The following WDTC1 variants were observed in gnomAD, a reference collection of about 807,000 sequenced individuals.
WDTC1 encodes WD and tetratricopeptide repeats 1.
A neutral mutation model predicts 76.0 loss-of-function variants in WDTC1; 12 were observed. The ratio of observed to expected loss-of-function variants is 0.16; its 90% CI spans 0.10 to 0.26. The LOEUF (loss-of-function observed/expected upper bound fraction) is 0.26. Ranked by LOEUF, WDTC1 falls within the 10% of genes least tolerant of loss-of-function variation. The probability of loss-of-function intolerance (pLI) is 1.00; values close to 1 mark genes in which losing one functional copy is unlikely to be tolerated. For synonymous variants in WDTC1, 326 were observed against 350.8 expected, an observed-to-expected ratio of 0.93 and a Z score of 0.79; for missense variants, 511 against 908.8, an observed-to-expected ratio of 0.56 and a Z score of 5.63.
intron 4 of WDTC1, 120 bp from the exon 5 acceptor site, chr1:27,283,218 C>A: frequency 1.3e-6 from 1 of 785,726 alleles, no homozygotes; most frequent in East Asian, 2.6e-5. Flanking sequence ...ACCTTAAATT[C>A]TGTGACATTT....
chr1:27,265,081 G>A (rs1375249087), intron 3 of WDTC1, among the ~76,000 whole-genome samples: 1 of 152,132 alleles, frequency 6.6e-6, no homozygotes, highest in Non-Finnish European at 1.5e-5. Flanking sequence ...TTGGATTACA[G>A]GTGTGAGCTA....
chr1:27,268,863 C>T (rs1156908844), intron 3 of WDTC1, among the ~76,000 whole-genome samples: 6 of 150,932 alleles, frequency 4.0e-5, no homozygotes, highest in East Asian at 2.0e-4. Flanking sequence ...TACAGGTGCA[C>T]GCCACCACAC....
Position 27,274,324 on chromosome 1 carries a change from G to A in WDTC1, c.133-7915G>A, listed in dbSNP as rs573824353. Among the ~76,000 whole-genome samples, 6 of 151,858 alleles carry A rather than the reference G, an allele frequency of 4.0e-5. No homozygotes were observed. In the South Asian group the frequency reaches 1.2e-3, roughly 32 times the overall value. ...GAGAGAGAGAGAGGGAAAGAAAAAAGAAAAGAAAATACAGAGAACTGGCTG... is the reference window on the plus strand; with the variant it reads ...GAGAGAGAGAGAGGGAAAGAAAAAAAAAAAGAAAATACAGAGAACTGGCTG... On this transcript the variant is annotated intron_variant, in intron 3 of 15. Coordinates refer to ENST00000319394, the MANE Select transcript of WDTC1 (RefSeq NM_001276252.2). The surrounding 1 kb of genome is among the most constrained non-coding windows in gnomAD (Gnocchi z 4.2).
Position 27,297,920 on chromosome 1 carries a change from G to A in WDTC1, c.1059-18G>A, listed in dbSNP as rs1452843513. 2 of 1,599,578 alleles carry A rather than the reference G, an allele frequency of 1.3e-6. No homozygotes were observed. Among genetic ancestry groups the A allele is most frequent in the Admixed American group, 1.7e-5 (1 of 58,958 alleles). On this transcript the variant is annotated intron_variant, in intron 11 of 15. Transcript: ENST00000319394. ...GACCTTCTTTGACTGTTCTGACTTG[G>A]CTCTATTTCCCCTGCAGCCCCCAAG...
chr1:27,259,896 G>GAGAGGTGGTGTGCACCTGTGATCTC (rs2012420096), intron 1 of WDTC1, among the ~76,000 whole-genome samples: 1 of 151,774 alleles, frequency 6.6e-6, no homozygotes, highest in South Asian at 2.1e-4. Context: ...AATTAGCTGG[G>GAGAGGTGGTGTGCACCTGTGATCTC]AGAGGTGGTG....
Position 27,263,155 on chromosome 1 carries a change from C to G in WDTC1, c.52C>G (p.Arg18Gly). 6.2e-7 allele frequency: 1 copy of G among 1,613,040 alleles called. No homozygotes were observed. The highest frequency in any genetic ancestry group is 8.5e-7 in the Non-Finnish European group (1 of 1,179,554). ...RDLIRRQIKE[R>G]GALSFERRYH... ...CGAATTTGTTTCTGTCCCCTAGGAGCGGGGTGCCCTGAGCTTTGAGCGGCG... is the reference window on the plus strand; with the variant it reads ...CGAATTTGTTTCTGTCCCCTAGGAGGGGGGTGCCCTGAGCTTTGAGCGGCG... Residue 18 changes from arginine to glycine, a missense_variant, in exon 3 of 16, where the codon CGG (arginine) becomes GGG (glycine). Arg to Gly is a moderately radical substitution (Grantham distance 125). Transcript: ENST00000319394.
intron 6 of WDTC1, among the ~76,000 whole-genome samples, chr1:27,290,256 A>AT (rs200958293): frequency 4.5e-4 from 68 of 151,214 alleles, no homozygotes; most frequent in East Asian, 3.7e-3. Context: ...TAATTTTTCT[A>AT]TTTTTTTTGT....
intron 1 of WDTC1, among the ~76,000 whole-genome samples, chr1:27,258,651 C>T (rs980025724): frequency 4.6e-4 from 70 of 152,122 alleles, no homozygotes; most frequent in African/African-American, 1.6e-3. Context: ...TGAATGAGAA[C>T]ATCTAATTTG....
In WDTC1 at chr1:27,307,631, CCT is replaced by C. The variant is rs2013988819; in HGVS notation, c.*1249_*1250del. On this transcript the variant is annotated 3_prime_UTR_variant, in exon 16 of 16. Coordinates refer to ENST00000319394, the MANE Select transcript of WDTC1 (RefSeq NM_001276252.2). This position sits in a 1 kb window ranked among gnomAD's most constrained non-coding sequence, Gnocchi z 4.1. ...CACTCCCTCGCTCCCTCCCTCAGCCCCTGTCTCTGCCAGGTGCCTCCTCTCAG... is the reference window on the plus strand; with the variant it reads ...CACTCCCTCGCTCCCTCCCTCAGCCCGTCTCTGCCAGGTGCCTCCTCTCAG... The C allele has an allele frequency of 6.5e-6, 1 of 152,934 alleles. No individual in the cohort carries two copies. The highest frequency in any genetic ancestry group is 2.1e-4 in the South Asian group (1 of 4,834). The allele number at this position is 152,934 out of a possible 1,614,324, so 9.5% of individuals were successfully genotyped here.
chr1:27,284,890 A>C (rs544787691), intron 5 of WDTC1, among the ~76,000 whole-genome samples: 7 of 152,246 alleles, frequency 4.6e-5, no homozygotes, highest in African/African-American at 1.4e-4. Flanking sequence ...TGCGTGTGGC[A>C]GCAGCCACAA....
intron 6 of WDTC1, among the ~76,000 whole-genome samples, chr1:27,288,355 TTTA>T (rs1428779637): frequency 1.3e-5 from 2 of 151,302 alleles, no homozygotes; most frequent in African/African-American, 4.9e-5. Context: ...TTTTTATTTA[TTTA>T]TTTTTTTTTT....
At chr1:27,282,034 G>T (rs1014238180) in intron 3 of WDTC1, among the ~76,000 whole-genome samples, 4 of 152,178 alleles carry the variant, frequency 2.6e-5, no homozygotes, top group African/African-American at 4.8e-5. Context: ...GAAGTGCCCA[G>T]TATCAAGTGA....
At chr1:27,240,930 G>A (rs917540488) in intron 1 of WDTC1, among the ~76,000 whole-genome samples, 5 of 144,694 alleles carry the variant, frequency 3.5e-5, no homozygotes, top group Admixed American at 2.2e-4. Context: ...AGTTGAGATC[G>A]CAACACTGTA....
chr1:27,260,271 A>AT (rs1046958925), intron 1 of WDTC1, among the ~76,000 whole-genome samples: 48 of 151,794 alleles, frequency 3.2e-4, no homozygotes, highest in Non-Finnish European at 4.6e-4. Flanking sequence ...CACCCAGCTA[A>AT]TTTTTTTGTA....
intron 3 of WDTC1, among the ~76,000 whole-genome samples, chr1:27,267,205 G>A (rs1005730680): frequency 6.6e-6 from 1 of 151,450 alleles, no homozygotes; most frequent in Non-Finnish European, 1.5e-5. Flanking sequence ...TATACCTACA[G>A]AGCTGACAGT....
chr1:27,269,982 G>A (rs1412396598), intron 3 of WDTC1, among the ~76,000 whole-genome samples: 1 of 151,696 alleles, frequency 6.6e-6, no homozygotes, highest in African/African-American at 2.4e-5. Flanking sequence ...TGTCACCCAG[G>A]CTGGAGCGCA....
intron 1 of WDTC1, among the ~76,000 whole-genome samples, chr1:27,240,858 C>A (rs899615128): frequency 4.6e-5 from 7 of 151,708 alleles, no homozygotes; most frequent in Admixed American, 4.6e-4. Flanking sequence ...GTCTGTAGTC[C>A]CAGCTACTCA....
At chr1:27,291,164 A>C (rs1170517416) in intron 6 of WDTC1, among the ~76,000 whole-genome samples, 3 of 152,400 alleles carry the variant, frequency 2.0e-5, no homozygotes, top group East Asian at 1.9e-4. Context: ...AAGGAAAAGC[A>C]GAGTGTATTC....
chr1:27,260,884 T>C, intron 1 of WDTC1, 72 bp from the exon 2 acceptor site: 2 of 721,878 alleles, frequency 2.8e-6, no homozygotes, highest in Non-Finnish European at 2.3e-6. Flanking sequence ...TGGGCTGTTT[T>C]AGGGGTGGAA....
Sources: allele counts gnomAD v4.1 joint callset (sites outside exome capture counted in the v4.1 genomes callset), GRCh38; gene constraint gnomAD v4.1.1; non-coding constraint Gnocchi (gnomAD v3.1); transcripts MANE v1.5; gene names NCBI Gene and HGNC (gene_info 2026-07-23, HGNC 2026-07-21).